The following MS4A18 variants were observed in gnomAD, a reference collection of about 807,000 sequenced individuals.
MS4A18 encodes the protein membrane-spanning 4-domains subfamily A member 18.
MS4A18 carries 27 observed loss-of-function variants against 13.1 expected under a neutral mutation model. The ratio of observed to expected loss-of-function variants is 2.06; its 90% CI spans 1.52 to 2.84. The LOEUF is 2.84. MS4A18 is among the 30% of genes most tolerant of loss of function. The probability of loss-of-function intolerance (pLI) is 0.00; values close to 1 mark genes in which losing one functional copy is unlikely to be tolerated. For synonymous variants in MS4A18, 126 were observed against 76.5 expected (o/e 1.65, Z -3.38); for missense variants, 307 against 196.4 (o/e 1.56, Z -3.37).
At chr11:60,738,540 A>G (rs765096393) in intron 3 of MS4A18, among the ~76,000 whole-genome samples, 6 of 152,164 alleles carry the variant, frequency 3.9e-5, no homozygotes, top group Non-Finnish European at 7.3e-5. Flanking sequence ...GATGCTGCAC[A>G]TTGATTAACG....
intron 2 of MS4A18, among the ~76,000 whole-genome samples, chr11:60,736,037 A>G (rs1853334824): frequency 6.6e-6 from 1 of 152,122 alleles, no homozygotes. Flanking sequence ...TTGCTTGTTT[A>G]CAAACGCATA....
chr11:60,735,217 G>C (rs1276856134), intron 2 of MS4A18, among the ~76,000 whole-genome samples: 1 of 152,028 alleles, frequency 6.6e-6, no homozygotes, highest in East Asian at 1.9e-4. Flanking sequence ...GAACACCTAC[G>C]TGTCCACCAC....
chr11:60,740,215 C>T (rs189659385), intron 4 of MS4A18, among the ~76,000 whole-genome samples: 12 of 152,304 alleles, frequency 7.9e-5, no homozygotes, highest in African/African-American at 1.9e-4. Context: ...TGTAGCACAA[C>T]GGCACTGGAT....
upstream of MS4A18, among the ~76,000 whole-genome samples, chr11:60,726,042 C>T (rs908953665): frequency 1.3e-5 from 2 of 152,176 alleles, no homozygotes; most frequent in African/African-American, 4.8e-5. Flanking sequence ...ATCCATATGT[C>T]ACTGGTAGAA....
chr11:60,741,053 C>T (rs765499169), exon 5 of MS4A18: 310 of 703,026 alleles, frequency 4.4e-4, no homozygotes, highest in Admixed American at 6.8e-4. Flanking sequence ...CGGTTTCTGG[C>T]GGTCTTCTCC....
chr11:60,733,639 G>C (rs1565059741), exon 2 of MS4A18: 1 of 703,604 alleles, frequency 1.4e-6, no homozygotes, highest in Non-Finnish European at 2.6e-6. Context: ...GCTCTGGGGA[G>C]GATTATCCGT....
chr11:60,744,782 T>C (rs1044952369), downstream of MS4A18, among the ~76,000 whole-genome samples: 1 of 152,196 alleles, frequency 6.6e-6, no homozygotes, highest in African/African-American at 2.4e-5. Flanking sequence ...TATTAGCCAT[T>C]AAGTACAATG....
chr11:60,736,064 G>C (rs973817017), intron 2 of MS4A18, among the ~76,000 whole-genome samples: 4 of 152,122 alleles, frequency 2.6e-5, no homozygotes, highest in African/African-American at 4.8e-5. Context: ...GAATAATCCT[G>C]TATTTGCATG....
chr11:60,735,500 A>ATTTTTTTTTTTTTTT (rs56136215), intron 2 of MS4A18, among the ~76,000 whole-genome samples: 4 of 110,090 alleles, frequency 3.6e-5, no homozygotes, highest in African/African-American at 1.4e-4. Flanking sequence ...TGCCCGGCTA[A>ATTTTTTTTTTTTTTT]TTTTTTTTTT....
chr11:60,733,064 GT>G (rs1372760357), intron 1 of MS4A18, among the ~76,000 whole-genome samples: 3 of 152,220 alleles, frequency 2.0e-5, no homozygotes, highest in Non-Finnish European at 2.9e-5. Flanking sequence ...TTAACATCAC[GT>G]GTAGGAATGC....
intron 5 of MS4A18, 129 bp from the exon 7 acceptor site, chr11:60,743,521 T>C: frequency 3.2e-6 from 2 of 622,410 alleles, no homozygotes; most frequent in Non-Finnish European, 5.7e-6. Context: ...GAAAGTCACA[T>C]GACCAAGCCC....
intron 2 of MS4A18, 128 bp downstream of exon 3, chr11:60,733,775 T>C: frequency 1.5e-6 from 1 of 666,892 alleles, no homozygotes; most frequent in Non-Finnish European, 2.7e-6. Context: ...AGCCTCCAAC[T>C]TGCAGATACA....
At chr11:60,728,643 C>T (rs1187260761), upstream of MS4A18, among the ~76,000 whole-genome samples, 1 of 151,708 alleles carries the variant, frequency 6.6e-6, no homozygotes, top group East Asian at 1.9e-4. Context: ...GTGTGTCTGT[C>T]TGTCTGTGTC....
At chr11:60,742,955 T>C (rs1299217096) in intron 5 of MS4A18, among the ~76,000 whole-genome samples, 1 of 152,206 alleles carries the variant, frequency 6.6e-6, no homozygotes, top group Non-Finnish European at 1.5e-5. Context: ...CTACATAACA[T>C]GGGAAATCAT....
chr11:60,732,673 GT>G (rs1316117110), intron 1 of MS4A18, among the ~76,000 whole-genome samples: 1 of 149,384 alleles, frequency 6.7e-6, no homozygotes, highest in Admixed American at 6.7e-5. Context: ...ACAGCTTGCA[GT>G]GAGCCAAGAT....
At chr11:60,731,531 T>C (rs1347710357) in intron 1 of MS4A18, among the ~76,000 whole-genome samples, 1 of 152,232 alleles carries the variant, frequency 6.6e-6, no homozygotes, top group Non-Finnish European at 1.5e-5. Context: ...ACTTTGCCAA[T>C]GTCTCCCTTT....
At chr11:60,739,034 G>A in intron 4 of MS4A18, 37 bp downstream of exon 5, 1 of 701,098 alleles carries the variant, frequency 1.4e-6, no homozygotes, top group Non-Finnish European at 2.6e-6. Context: ...TGCTGCCAAA[G>A]GACCAGGAGG....
chr11:60,737,335 C>T (rs190513464), intron 3 of MS4A18, among the ~76,000 whole-genome samples: 4 of 152,318 alleles, frequency 2.6e-5, no homozygotes, highest in Admixed American at 2.6e-4. Context: ...TCTTTTTTAA[C>T]TATTGCATTT....
intron 1 of MS4A18, among the ~76,000 whole-genome samples, 197 bp downstream of exon 2, chr11:60,729,983 GA>G (rs990785212): frequency 6.6e-6 from 1 of 152,102 alleles, no homozygotes; most frequent in African/African-American, 2.4e-5. Context: ...ACTCCCCAAG[GA>G]GACCCATGGT....
Sources: gnomAD v4.1 joint callset for allele counts (sites outside exome capture counted in the v4.1 genomes callset) on GRCh38, gnomAD v4.1.1 for gene constraint, MANE v1.5 for transcripts, NCBI Gene and HGNC (gene_info 2026-07-23, HGNC 2026-07-21) for gene names.